The following SIAH2 variants were observed in gnomAD, a reference collection of about 807,000 sequenced individuals.
The protein encoded by SIAH2 is E3 ubiquitin-protein ligase SIAH2.
A neutral mutation model predicts 20.4 loss-of-function variants in SIAH2; 4 were observed. That is an observed-to-expected ratio of 0.20 (90% confidence interval 0.10 to 0.45). SIAH2 has a LOEUF of 0.45. Ranked by LOEUF, SIAH2 falls within the 20% of genes least tolerant of loss-of-function variation. The pLI is 0.99. For synonymous variants in SIAH2, 171 were observed against 192.5 expected (o/e 0.89, Z 0.93); for missense variants, 259 against 440.3 (o/e 0.59, Z 3.69).
intron 1 of SIAH2, among the ~76,000 whole-genome samples, chr3:150,749,739 C>T (rs1284868751): frequency 6.6e-6 from 1 of 152,186 alleles, no homozygotes; most frequent in Non-Finnish European, 1.5e-5. Context: ...TGAACCAATA[C>T]AATTTTGCAA....
chr3:150,753,360 C>T (rs1471043856), intron 1 of SIAH2, among the ~76,000 whole-genome samples: 1 of 152,210 alleles, frequency 6.6e-6, no homozygotes, highest in Non-Finnish European at 1.5e-5. Context: ...TCTGGCCTGA[C>T]ACTGCACCAG....
chr3:150,754,745 T>C (rs935345731), intron 1 of SIAH2, among the ~76,000 whole-genome samples: 4 of 152,122 alleles, frequency 2.6e-5, no homozygotes, highest in African/African-American at 9.7e-5. Flanking sequence ...GAAAACATAA[T>C]ATGTAAAAAT....
Position 150,742,065 on chromosome 3 carries a change from A to T in SIAH2, c.*76T>A. On this transcript the variant is annotated 3_prime_UTR_variant, in exon 2 of 2. Transcript: ENST00000312960. The surrounding 1 kb of genome is among the most constrained non-coding windows in gnomAD (Gnocchi z 4.8). ...GTCCTGACTTGTGAAGACATATGGA[A>T]TAAAACATCTATAAAAACCTTTATT... is the stretch of plus-strand genomic sequence containing the variant. 1 of 1,370,952 alleles carries T rather than the reference A, an allele frequency of 7.3e-7. No homozygotes were observed. The highest frequency in any genetic ancestry group is 2.3e-5 in the East Asian group (1 of 42,590). The allele number at this position is 1,370,952 out of a possible 1,614,324, so 84.9% of individuals were successfully genotyped here. A position where few individuals can be genotyped will look rare whatever the true frequency, so the allele number is the denominator to read the frequency against.
chr3:150,747,117 C>T (rs1392212057), intron 1 of SIAH2, among the ~76,000 whole-genome samples: 1 of 152,240 alleles, frequency 6.6e-6, no homozygotes, highest in Non-Finnish European at 1.5e-5. Flanking sequence ...AAATAATTTA[C>T]ATCTGCCTTC....
In SIAH2 at chr3:150,762,993, G is replaced by C; in HGVS notation, c.-144C>G. The C allele has an allele frequency of 1.0e-6, 1 of 953,130 alleles. No individual in the cohort carries two copies. The highest frequency in any genetic ancestry group is 1.3e-6 in the Non-Finnish European group (1 of 775,768). 59.0% of individuals were successfully genotyped at this position (953,130 alleles called of 1,614,324 possible). On this transcript the variant is annotated 5_prime_UTR_variant, in exon 1 of 2. Coordinates refer to ENST00000312960, the MANE Select transcript of SIAH2 (RefSeq NM_005067.7). The surrounding 1 kb of genome is among the most constrained non-coding windows in gnomAD (Gnocchi z 6.6). The stretch of plus-strand genomic sequence containing the variant: ...GGTCCGGGCGGCGGAGACGCTCGGC[G>C]CCCGGCAGGCGGAGGGCTGGACCGC...
Position 150,742,125 on chromosome 3 carries a change from GT to G in SIAH2, c.*15del. 6.3e-7 allele frequency: 1 copy of G among 1,594,130 alleles called. No homozygotes were observed. On this transcript the variant is annotated 3_prime_UTR_variant, in exon 2 of 2. Transcript: ENST00000312960. The surrounding 1 kb of genome is among the most constrained non-coding windows in gnomAD (Gnocchi z 4.8). The stretch of plus-strand genomic sequence containing the variant: ...GCACTATGCCCAAATAATTTTGAAG[GT>G]TTACGAAAGTCACATCATGGACAAC...
intron 1 of SIAH2, among the ~76,000 whole-genome samples, chr3:150,750,584 A>ATT (rs953964137): frequency 2.7e-5 from 4 of 149,218 alleles, no homozygotes; most frequent in African/African-American, 9.8e-5. Flanking sequence ...AGATTTAAAA[A>ATT]TTTTTTTTTT....
At chr3:150,744,321 A>C (rs1714164600) in intron 1 of SIAH2, among the ~76,000 whole-genome samples, 1 of 152,166 alleles carries the variant, frequency 6.6e-6, no homozygotes, top group South Asian at 2.1e-4. Context: ...CCCATACCTA[A>C]GCGGATTATA....
chr3:150,759,485 C>A (rs1274817393), intron 1 of SIAH2, among the ~76,000 whole-genome samples: 2 of 152,122 alleles, frequency 1.3e-5, no homozygotes, highest in Non-Finnish European at 2.9e-5. Context: ...ACTCATCCAA[C>A]CAGACGGTTT....
At chr3:150,760,124 A>C (rs907251949) in intron 1 of SIAH2, among the ~76,000 whole-genome samples, 1 of 151,832 alleles carries the variant, frequency 6.6e-6, no homozygotes, top group Non-Finnish European at 1.5e-5. Flanking sequence ...TACAACTAAC[A>C]CATCTTGGTT....
rs544488929 is a variant in SIAH2, at chr3:150,745,414, C to T, written c.418-2716G>A. On this transcript the variant is annotated intron_variant, in intron 1 of 1. Transcript: ENST00000312960. ...GGACTTTAGTAGTTTGTGAATTCCC[C>T]AAGACTGTATGTAAAACTGTCTAGG... Among the ~76,000 whole-genome samples the T allele has an allele frequency of 9.9e-5, 15 of 152,238 alleles. No homozygotes were observed. In the South Asian group the frequency reaches 3.1e-3, roughly 32 times the overall value.
intron 1 of SIAH2, among the ~76,000 whole-genome samples, chr3:150,759,076 T>C (rs1177016615): frequency 3.9e-5 from 6 of 151,938 alleles, no homozygotes; most frequent in Non-Finnish European, 8.8e-5. Context: ...GAGACAGGGT[T>C]TCACTATGTT....
chr3:150,761,990 G>A (rs1450302225), intron 1 of SIAH2: 1 of 167,290 alleles, frequency 6.0e-6, no homozygotes, highest in East Asian at 1.9e-4. Context: ...GGTAGGCGCG[G>A]GGTGCAGGAC....
chr3:150,757,400 T>C (rs150312902), intron 1 of SIAH2, among the ~76,000 whole-genome samples: 1 of 152,290 alleles, frequency 6.6e-6, no homozygotes, highest in East Asian at 1.9e-4. Flanking sequence ...TGAGGGTTCC[T>C]GATGGCCAGA....
chr3:150,752,590 C>T (rs550206950), intron 1 of SIAH2, among the ~76,000 whole-genome samples: 3 of 151,838 alleles, frequency 2.0e-5, no homozygotes, highest in African/African-American at 7.3e-5. Flanking sequence ...GCCTGGGCGA[C>T]AGAGCGAGAC....
At chr3:150,750,438 A>G (rs1156845993) in intron 1 of SIAH2, among the ~76,000 whole-genome samples, 1 of 152,224 alleles carries the variant, frequency 6.6e-6, no homozygotes, top group African/African-American at 2.4e-5. Context: ...TGTGGGACTT[A>G]GAATTTAAAA....
At chr3:150,754,878 C>T (rs772470566) in intron 1 of SIAH2, among the ~76,000 whole-genome samples, 9 of 152,000 alleles carry the variant, frequency 5.9e-5, no homozygotes, top group Non-Finnish European at 1.3e-4. Flanking sequence ...GGCCAACTTA[C>T]ACAGCTCTAT....
chr3:150,754,203 A>G (rs2108122700), intron 1 of SIAH2, among the ~76,000 whole-genome samples: 1 of 152,354 alleles, frequency 6.6e-6, no homozygotes, highest in Non-Finnish European at 1.5e-5. Context: ...TAAGTTATAA[A>G]GAAAAGAGGT....
intron 1 of SIAH2, among the ~76,000 whole-genome samples, chr3:150,747,140 C>T (rs755746157): frequency 2.6e-5 from 4 of 152,214 alleles, no homozygotes; most frequent in Non-Finnish European, 4.4e-5. Context: ...CCCTGGCCAC[C>T]AACCCAACAC....
Sources: gnomAD v4.1 joint callset for allele counts (sites outside exome capture counted in the v4.1 genomes callset) on GRCh38, gnomAD v4.1.1 for gene constraint, Gnocchi (gnomAD v3.1) non-coding constraint, MANE v1.5 for transcripts, NCBI Gene and HGNC (gene_info 2026-07-23, HGNC 2026-07-21) for gene names.